The following SMG5 variants were observed in gnomAD, a reference collection of about 807,000 sequenced individuals.
SMG5 encodes SMG5 nonsense mediated mRNA decay factor.
Under a neutral mutation model 122.9 loss-of-function variants are expected in SMG5, and 53 were observed. The ratio of observed to expected loss-of-function variants is 0.43; its 90% CI spans 0.35 to 0.54. SMG5 has a LOEUF of 0.54. Among genes scored for constraint, SMG5 ranks in the 20% least tolerant of loss-of-function variants. The pLI is 0.01. For synonymous variants in SMG5, 477 were observed against 490.2 expected (o/e 0.97, Z 0.35); for missense variants, 1,153 against 1,285.6 (o/e 0.90, Z 1.58).
chr1:156,285,313 T>A (rs761313616), upstream of SMG5: 17 of 1,575,360 alleles, frequency 1.1e-5, no homozygotes, highest in Non-Finnish European at 1.3e-5. Flanking sequence ...TGGTTCCCAA[T>A]GGCCGGCAGC....
chr1:156,267,876 C>T lies in SMG5; in HGVS notation c.909-198G>A, dbSNP rs575160351. ...GGATGTGAGTAGGCTTCCCATTCAG[C>T]CATTCCCTCTTCAACATCTCCTAAG... On this transcript the variant is annotated intron_variant, in intron 9 of 21. Coordinates refer to ENST00000361813, the MANE Select transcript of SMG5 (RefSeq NM_015327.3). 2.6e-5 allele frequency among the ~76,000 whole-genome samples: 4 copies of T among 152,266 alleles called. No individual in the cohort carries two copies. The East Asian group carries it at 7.7e-4, about 29-fold the overall frequency.
At chr1:156,271,068 T>C (rs1662393778) in intron 7 of SMG5, among the ~76,000 whole-genome samples, 1 of 151,626 alleles carries the variant, frequency 6.6e-6, no homozygotes, top group Admixed American at 6.6e-5. Context: ...CTAGTAACGA[T>C]ACTTAAGAAT....
upstream of SMG5, chr1:156,282,951 A>T (rs1663040188): frequency 1.9e-6 from 1 of 533,482 alleles, no homozygotes; most frequent in Non-Finnish European, 3.3e-6. Flanking sequence ...AACTCTGGGC[A>T]GCATGGCGTC....
intron 1 of SMG5, among the ~76,000 whole-genome samples, chr1:156,280,629 T>C (rs1160945910): frequency 1.3e-5 from 2 of 152,212 alleles, no homozygotes; most frequent in Non-Finnish European, 2.9e-5. Context: ...AAAGAGCTAA[T>C]GGGAGTGTAT....
intron 12 of SMG5, 35 bp from the exon 13 acceptor site, chr1:156,263,605 G>A (rs369210651): frequency 1.9e-6 from 3 of 1,602,464 alleles, no homozygotes; most frequent in Non-Finnish European, 2.6e-6. Context: ...AAAAAAACTG[G>A]GATAAACAAC....
At chr1:156,291,409 C>T in the SMG5 span, 333 of 1,614,102 alleles carry the variant, frequency 2.1e-4, 2 homozygotes, top group African/African-American at 2.0e-3. Flanking sequence ...TGACCTTTGC[C>T]GTGGGCCGCT....
In SMG5 at chr1:156,279,011, C is replaced by T. The variant is rs147617947; in HGVS notation, c.98G>A (p.Arg33Gln). Residue 33 changes from arginine to glutamine, a missense_variant, in exon 2 of 22, where the codon CGA (arginine) becomes CAA (glutamine). Transcript: ENST00000361813. ...TTTGTTGCAAAGGATGAGGTCAAGT[C>T]GATGCACAGCCTCCACCACAGCCCT... ...LYRAVVEAVH[R>Q]LDLILCNKTA... The T allele has an allele frequency of 1.4e-4, 227 of 1,613,968 alleles. No individual in the cohort carries two copies. Among genetic ancestry groups the T allele is most frequent in the Non-Finnish European group, 1.7e-4 (205 of 1,180,020 alleles).
intron 5 of SMG5, 90 bp from the exon 6 acceptor site, chr1:156,273,540 A>C: frequency 8.1e-7 from 1 of 1,235,174 alleles, no homozygotes. Context: ...TGAGAGTGGT[A>C]ACAAGAGCCT....
At chr1:156,279,784 G>C (rs368851142) in intron 1 of SMG5, among the ~76,000 whole-genome samples, 7 of 152,250 alleles carry the variant, frequency 4.6e-5, no homozygotes, top group African/African-American at 1.4e-4. Flanking sequence ...CTCCTGGGCT[G>C]CTTAGCCGTA....
intron 16 of SMG5, among the ~76,000 whole-genome samples, chr1:156,256,469 T>C (rs187139489): frequency 2.0e-5 from 3 of 152,118 alleles, no homozygotes; most frequent in Admixed American, 6.5e-5. Flanking sequence ...ATAGACAAAC[T>C]TTCCCTCTTC....
chr1:156,265,486 A>T (rs1047865333), intron 12 of SMG5, among the ~76,000 whole-genome samples: 2 of 152,204 alleles, frequency 1.3e-5, no homozygotes, highest in Non-Finnish European at 2.9e-5. Context: ...TTGGGATGGC[A>T]CAGGGAAGGA....
chr1:156,270,082 G>T (rs1400267677), intron 7 of SMG5, among the ~76,000 whole-genome samples: 4 of 152,124 alleles, frequency 2.6e-5, no homozygotes, highest in African/African-American at 9.7e-5. Context: ...TAACACTCAT[G>T]ACATTTTGTG....
At chr1:156,280,320 G>A (rs971227859) in intron 1 of SMG5, among the ~76,000 whole-genome samples, 22 of 152,180 alleles carry the variant, frequency 1.4e-4, no homozygotes, top group African/African-American at 4.8e-4. Flanking sequence ...AAACCAAGAC[G>A]TGCTCCCGGG....
chr1:156,268,520 G>T, intron 7 of SMG5, 105 bp from the exon 8 acceptor site: 1 of 1,447,198 alleles, frequency 6.9e-7, no homozygotes, highest in Non-Finnish European at 9.3e-7. Context: ...GCTGCTCCCA[G>T]CCTCAGCTTC....
chr1:156,262,630 C>T (rs1438748790), intron 13 of SMG5, among the ~76,000 whole-genome samples: 1 of 152,104 alleles, frequency 6.6e-6, no homozygotes, highest in Non-Finnish European at 1.5e-5. Flanking sequence ...CATACTGGAA[C>T]ACCTCTCTAG....
intron 18 of SMG5, 34 bp downstream of exon 18, chr1:156,252,885 A>T: frequency 6.6e-7 from 1 of 1,510,372 alleles, no homozygotes; most frequent in Non-Finnish European, 8.9e-7. Flanking sequence ...TCTTTTAGTC[A>T]TACTCTGTCT....
the SMG5 span, chr1:156,291,158 C>T: frequency 1.8e-6 from 1 of 552,224 alleles, no homozygotes; most frequent in Non-Finnish European, 3.2e-6. Flanking sequence ...AAAGGAATAA[C>T]ATACTCAACT....
chr1:156,282,460 G>C (rs1662997111), intron 1 of SMG5, 147 bp downstream of exon 1: 1 of 783,522 alleles, frequency 1.3e-6, no homozygotes, highest in Non-Finnish European at 2.0e-6. Context: ...GAGTTACTAC[G>C]GGACCCCGCC....
intron 3 of SMG5, 74 bp downstream of exon 3, chr1:156,277,851 A>G: frequency 4.4e-6 from 7 of 1,591,382 alleles, no homozygotes; most frequent in Non-Finnish European, 6.0e-6. Flanking sequence ...ACCTCCAACC[A>G]TGTTCTGCGC....
Sources: allele counts gnomAD v4.1 joint callset (sites outside exome capture counted in the v4.1 genomes callset), GRCh38; gene constraint gnomAD v4.1.1; transcripts MANE v1.5; gene names NCBI Gene and HGNC (gene_info 2026-07-23, HGNC 2026-07-21).